KRT86: variants seen among roughly 807,000 people sequenced by gnomAD.
The protein encoded by KRT86 is keratin, type II cuticular Hb6.
In KRT86, 30 loss-of-function variants were observed where a neutral mutation model predicts 41.2. The ratio of observed to expected loss-of-function variants is 0.73; its 90% CI spans 0.54 to 0.99. The LOEUF is 0.99. KRT86 is among the 50% of genes least tolerant of loss of function. KRT86 has a pLI of 0.00. For synonymous variants in KRT86, 238 were observed against 238.1 expected, an observed-to-expected ratio of 1.00 and a Z score of 0.00; for missense variants, 561 against 571.4, an observed-to-expected ratio of 0.98 and a Z score of 0.19.
intron 1 of KRT86, 21 bp downstream of exon 1, chr12:52,274,743 T>C: frequency 2.0e-6 from 2 of 985,286 alleles, no homozygotes; most frequent in Non-Finnish European, 2.4e-6. Context: ...TACACGTGGC[T>C]CCCTGGTCAC....
Position 52,305,799 on chromosome 12 carries a change from T to C in KRT86, c.1026+11T>C. The stretch of plus-strand genomic sequence containing the variant: ...AATGCCAAGTGCCAGGTATGGGGCA[T>C]CTGTGCCCAAGGTCAGAGAGACCGA... On this transcript the variant is annotated intron_variant, in intron 8 of 10. Coordinates refer to ENST00000423955, the MANE Select transcript of KRT86 (RefSeq NM_001320198.2). The C allele has an allele frequency of 6.2e-6, 10 of 1,613,950 alleles. No individual in the cohort carries two copies. Among genetic ancestry groups the C allele is most frequent in the Non-Finnish European group, 8.5e-6 (10 of 1,179,858 alleles).
rs1938361117 is a variant in KRT86, at chr12:52,301,083, A to AAT, written c.-4-830_-4-829insAT. ...TTGAATGTGCAGGTGAGGACCTGTG[A>AAT]GTGTGTGTGTGTGTGTGAGATGGTG... On this transcript the variant is annotated intron_variant, in intron 2 of 10. Transcript: ENST00000423955. 2.0e-5 allele frequency among the ~76,000 whole-genome samples: 3 copies of AAT among 150,646 alleles called. No individual in the cohort carries two copies. In the South Asian group the frequency reaches 6.3e-4, roughly 32 times the overall value.
intron 2 of KRT86, chr12:52,286,463 C>T: frequency 6.4e-7 from 1 of 1,552,524 alleles, no homozygotes; most frequent in Non-Finnish European, 8.7e-7. Flanking sequence ...GAGGTCCCCG[C>T]ACACGACCCC....
chr12:52,302,010 T>A lies in KRT86; in HGVS notation c.94T>A (p.Tyr32Asn). ...PGRCCITAAP[Y>N]RGISCYRGLT... The stretch of plus-strand genomic sequence containing the variant: ...CCGCTGCTGCATCACCGCCGCCCCC[T>A]ACCGTGGCATCTCCTGCTACCGCGG... The change falls in exon 3 of 11, where the codon TAC becomes AAC. Residue 32 changes from tyrosine (Y) to asparagine (N), a missense_variant. Around this residue, in one of 3 missense-constraint regions of KRT86, gnomAD observed 164 missense variants for 172.5 expected, o/e 0.95. Coordinates refer to ENST00000423955, the MANE Select transcript of KRT86 (RefSeq NM_001320198.2). The A allele has an allele frequency of 6.2e-7, 1 of 1,612,020 alleles. No homozygotes were observed. The highest frequency in any genetic ancestry group is 2.2e-5 in the East Asian group (1 of 44,816).
In KRT86 at chr12:52,305,235, T is replaced by C. The variant is rs1220498783; in HGVS notation, c.736-5T>C. ...AACTAAAGTCACTGCCCTCACCTCC[T>C]GCAGGAGATCCGCGTTCTCCAGTCC... On this transcript the variant is annotated splice_region_variant and splice_polypyrimidine_tract_variant and intron_variant, in intron 6 of 10. Transcript: ENST00000423955. 1 of 1,614,248 alleles carries C rather than the reference T, an allele frequency of 6.2e-7. No homozygotes were observed. Among genetic ancestry groups the C allele is most frequent in the Non-Finnish European group, 8.5e-7 (1 of 1,180,034 alleles).
Position 52,302,027 on chromosome 12 carries a change from C to T in KRT86, c.111C>T (p.Cys37=). The T allele has an allele frequency of 6.2e-7, 1 of 1,610,786 alleles. No individual in the cohort carries two copies. The highest frequency in any genetic ancestry group is 8.5e-7 in the Non-Finnish European group (1 of 1,178,570). Residue 37 remains cysteine, a synonymous_variant, in exon 3 of 11, where the codon TGC becomes TGT. Transcript: ENST00000423955. ...CCGCCCCCTACCGTGGCATCTCCTG[C>T]TACCGCGGCCTCACCGGGGGCTTCG... ...ITAAPYRGIS[C]YRGLTGGFGS...
At chr12:52,291,456 C>A (rs781499301) in intron 2 of KRT86, 3 of 1,612,818 alleles carry the variant, frequency 1.9e-6, no homozygotes, top group African/African-American at 1.3e-5. Flanking sequence ...AATCCTGATC[C>A]GCAGGTCATG....
At chr12:52,304,836 C>T (rs902377899) in intron 5 of KRT86, 96 bp from the exon 6 acceptor site, 1 of 1,355,230 alleles carries the variant, frequency 7.4e-7, no homozygotes, top group South Asian at 1.2e-5. Flanking sequence ...ACTGGGGACT[C>T]CTTTCCCCAG....
intron 9 of KRT86, chr12:52,306,580 C>A: frequency 1.9e-6 from 1 of 532,286 alleles, no homozygotes; most frequent in Admixed American, 3.2e-5. Context: ...CTGGGTAGTG[C>A]TTCTTCCCTT....
intron 2 of KRT86, among the ~76,000 whole-genome samples, chr12:52,282,156 A>G (rs933652990): frequency 5.5e-4 from 84 of 152,208 alleles, no homozygotes; most frequent in African/African-American, 1.9e-3. Flanking sequence ...TAAAGTGCTT[A>G]AAGCATAGGA....
At chr12:52,287,979 C>A in intron 2 of KRT86, 2 of 1,614,210 alleles carry the variant, frequency 1.2e-6, no homozygotes, top group South Asian at 2.2e-5. Context: ...TCCTGTGCCA[C>A]TCACCTTGCT....
chr12:52,307,740 G>A (rs554892924), intron 9 of KRT86, among the ~76,000 whole-genome samples: 17 of 152,280 alleles, frequency 1.1e-4, no homozygotes, highest in African/African-American at 4.1e-4. Context: ...AGGTGGTGCA[G>A]GAAGGAATAG....
Position 52,306,215 on chromosome 12 carries a change from C to T in KRT86, c.1182C>T (p.Asn394=), listed in dbSNP as rs756653876. The change falls in exon 9 of 11, where the codon AAC becomes AAT. Residue 394 remains asparagine (N), a synonymous_variant. Transcript: ENST00000423955. The part of the protein sequence containing the change: ...CLIREYQEVM[N]SKLGLDIEIA... ...TCAGGGAGTACCAGGAGGTGATGAA[C>T]TCCAAGCTGGGCCTGGACATCGAGA... 63 of 1,613,656 alleles carry T rather than the reference C, an allele frequency of 3.9e-5. No individual in the cohort carries two copies. In the South Asian group the frequency reaches 6.6e-4, roughly 17 times the overall value.
At chr12:52,292,566 T>G (rs1423625965) in intron 2 of KRT86, among the ~76,000 whole-genome samples, 1 of 152,226 alleles carries the variant, frequency 6.6e-6, no homozygotes, top group Non-Finnish European at 1.5e-5. Context: ...GTTAAAAATC[T>G]AGTTATTCAG....
intron 2 of KRT86, among the ~76,000 whole-genome samples, chr12:52,283,392 C>CA (rs1169224117): frequency 0.086 from 3,391 of 39,460 alleles, 97 homozygotes; most frequent in African/African-American, 0.13. Flanking sequence ...AACTGTCTCA[C>CA]AAAAAAAAAA....
Position 52,304,793 on chromosome 12 carries a change from C to T in KRT86, c.640-139C>T, listed in dbSNP as rs1304355116. The T allele has an allele frequency of 1.2e-5, 12 of 986,512 alleles. No individual in the cohort carries two copies. The African/African-American group carries it at 1.3e-4, about 10-fold the overall frequency. 61.1% of individuals were successfully genotyped at this position (986,512 alleles called of 1,614,324 possible). On this transcript the variant is annotated intron_variant, in intron 5 of 10. Transcript: ENST00000423955. ...GGATGCCAGGTCACCCCGGGAAGGG[C>T]CAGAAGGGAAGGAGAGGGCATGGGA...
chr12:52,304,934 T>C lies in KRT86; in HGVS notation c.642T>C (p.Asp214=). The change falls in exon 6 of 11, where the codon GAT becomes GAC. Residue 214 remains aspartate (D), a splice_region_variant and synonymous_variant. Transcript: ENST00000423955. ...TCCAACACTCCCCACCTTTCCAGGA[T>C]GTGGACTGCGCCTACCTCCGCAAAT... ...AENEFVALKK[D]VDCAYLRKSD... 1.9e-6 allele frequency: 3 copies of C among 1,613,972 alleles called. No homozygotes were observed. In the South Asian group the frequency reaches 3.3e-5, roughly 18 times the overall value.
intron 2 of KRT86, among the ~76,000 whole-genome samples, chr12:52,285,288 T>A (rs1215154666): frequency 6.6e-6 from 1 of 152,036 alleles, no homozygotes; most frequent in East Asian, 1.9e-4. Context: ...ATCATCTTGC[T>A]ATGTGCTGTT....
At chr12:52,308,353 A>G in intron 10 of KRT86, 51 bp from the exon 11 acceptor site, 1 of 1,611,888 alleles carries the variant, frequency 6.2e-7, no homozygotes, top group Admixed American at 1.7e-5. Flanking sequence ...AAAGCCACTC[A>G]CCCAGGTCGC....
Sources: gnomAD v4.1 joint callset for allele counts (sites outside exome capture counted in the v4.1 genomes callset) on GRCh38, gnomAD v4.1.1 for gene constraint, gnomAD v4.1.1 regional missense constraint, MANE v1.5 for transcripts, NCBI Gene and HGNC (gene_info 2026-07-23, HGNC 2026-07-21) for gene names.